The following PRIMA1 variants were observed in gnomAD, a reference collection of about 807,000 sequenced individuals.
The protein encoded by PRIMA1 is proline-rich membrane anchor 1.
A neutral mutation model predicts 17.5 loss-of-function variants in PRIMA1; 7 were observed. The ratio of observed to expected loss-of-function variants is 0.40; its 90% CI spans 0.23 to 0.75. The LOEUF (loss-of-function observed/expected upper bound fraction) is 0.75, where lower values mean the gene tolerates loss of function less well. Among genes scored for constraint, PRIMA1 ranks in the 30% least tolerant of loss-of-function variants. PRIMA1 has a pLI of 0.37. For synonymous variants in PRIMA1, 97 were observed against 77.9 expected (o/e 1.25, Z -1.29); for missense variants, 200 against 201.8 (o/e 0.99, Z 0.05).
At chr14:93,764,575 T>C (rs1405833102) in intron 3 of PRIMA1, among the ~76,000 whole-genome samples, 1 of 152,210 alleles carries the variant, frequency 6.6e-6, no homozygotes, top group African/African-American at 2.4e-5. Context: ...ATGTAGTGCT[T>C]GGCACACTCG....
chr14:93,739,116 G>A (rs954595581), intron 3 of PRIMA1, among the ~76,000 whole-genome samples: 8 of 151,458 alleles, frequency 5.3e-5, no homozygotes, highest in South Asian at 2.1e-4. Context: ...GCAGTGGCAC[G>A]ATCTCAGCTC....
chr14:93,734,324 G>T (rs2076134733), intron 4 of PRIMA1, among the ~76,000 whole-genome samples: 1 of 152,186 alleles, frequency 6.6e-6, no homozygotes, highest in African/African-American at 2.4e-5. Flanking sequence ...CCTGCTTCTT[G>T]GGTTTGGCCA....
At chr14:93,757,286 G>A (rs1196044639) in intron 3 of PRIMA1, among the ~76,000 whole-genome samples, 3 of 152,092 alleles carry the variant, frequency 2.0e-5, no homozygotes, top group Admixed American at 6.5e-5. Flanking sequence ...TGACACGGCC[G>A]CACTTGAGAA....
At chr14:93,737,107 G>A in intron 4 of PRIMA1, 134 bp downstream of exon 4, 1 of 801,524 alleles carries the variant, frequency 1.2e-6, no homozygotes, top group Non-Finnish European at 1.9e-6. Flanking sequence ...GAAGGTCACT[G>A]TATATTCTTT....
At chr14:93,759,389 C>G (rs2076312001) in intron 3 of PRIMA1, among the ~76,000 whole-genome samples, 1 of 152,086 alleles carries the variant, frequency 6.6e-6, no homozygotes, top group African/African-American at 2.4e-5. Flanking sequence ...GTTTCTACCC[C>G]TGACTGAAAA....
intron 3 of PRIMA1, among the ~76,000 whole-genome samples, chr14:93,754,270 C>T (rs1304293847): frequency 6.6e-6 from 1 of 152,218 alleles, no homozygotes; most frequent in East Asian, 1.9e-4. Flanking sequence ...GAGCTCTTCA[C>T]AATCCCAATT....
At position 93,719,779 on chromosome 14, in the gene PRIMA1, A is replaced by C. The variant is rs937101727; in HGVS notation, c.*1665T>G. 6.6e-6 allele frequency: 1 copy of C among 152,524 alleles called. No homozygotes were observed. The highest frequency in any genetic ancestry group is 1.5e-5 in the Non-Finnish European group (1 of 68,328). 9.4% of individuals were successfully genotyped at this position (152,524 alleles called of 1,614,324 possible). ...ATGCCCAGGTGTCCAGGGGAAGCAA[A>C]ATTCAAATCTAAACCCCAAACAAGT... On this transcript the variant is annotated 3_prime_UTR_variant, in exon 5 of 5. Transcript: ENST00000393140.
At chr14:93,742,918 C>G (rs1039648334) in intron 3 of PRIMA1, among the ~76,000 whole-genome samples, 1 of 152,168 alleles carries the variant, frequency 6.6e-6, no homozygotes, top group African/African-American at 2.4e-5. Context: ...ATGTATGACC[C>G]GGGCAAACAG....
intron 2 of PRIMA1, among the ~76,000 whole-genome samples, chr14:93,785,160 T>C (rs1046401966): frequency 2.1e-4 from 29 of 140,122 alleles, no homozygotes; most frequent in Admixed American, 2.3e-4. Flanking sequence ...ACCTAATAAA[T>C]TTGCCAGCCT....
intron 4 of PRIMA1, among the ~76,000 whole-genome samples, chr14:93,725,221 C>G (rs1165992239): frequency 6.6e-6 from 1 of 150,746 alleles, no homozygotes. Context: ...GGGCTCGGCA[C>G]CTGTGGCAGG....
rs1295369403 is a variant in PRIMA1, at chr14:93,720,083, G to A, written c.*1361C>T. 1 of 152,318 alleles carries A rather than the reference G, an allele frequency of 6.6e-6. No individual in the cohort carries two copies. Among genetic ancestry groups the A allele is most frequent in the Non-Finnish European group, 1.5e-5 (1 of 68,088 alleles). The allele number at this position is 152,318 out of a possible 1,614,324, so 9.4% of individuals were successfully genotyped here. ...GGTTTAGGAGGCAAACCAGGTCTTA[G>A]AGGGCTCGACAGTGGAACCATTCAA... On this transcript the variant is annotated 3_prime_UTR_variant, in exon 5 of 5. Coordinates refer to ENST00000393140, the MANE Select transcript of PRIMA1 (RefSeq NM_178013.4).
chr14:93,785,918 A>ACC (rs1885512621), intron 2 of PRIMA1, among the ~76,000 whole-genome samples: 1 of 149,738 alleles, frequency 6.7e-6, no homozygotes, highest in South Asian at 2.1e-4. Flanking sequence ...ACACACACAC[A>ACC]CCCCTGCTTG....
In PRIMA1 at chr14:93,720,834, G is replaced by A. The variant is rs1483997157; in HGVS notation, c.*610C>T. On this transcript the variant is annotated 3_prime_UTR_variant, in exon 5 of 5. Coordinates refer to ENST00000393140, the MANE Select transcript of PRIMA1 (RefSeq NM_178013.4). ...CACAGCCCTCCATGGCAGGCAGTCAGGAGCCTAGGGTGTAGGGTGTCAGTG... is the reference window on the plus strand; with the variant it reads ...CACAGCCCTCCATGGCAGGCAGTCAAGAGCCTAGGGTGTAGGGTGTCAGTG... 1 of 152,466 alleles carries A rather than the reference G, an allele frequency of 6.6e-6. No homozygotes were observed. Among genetic ancestry groups the A allele is most frequent in the African/African-American group, 2.4e-5 (1 of 41,458 alleles). The allele number at this position is 152,466 out of a possible 1,614,324, so 9.4% of individuals were successfully genotyped here. A position where few individuals can be genotyped will look rare whatever the true frequency, so the allele number is the denominator to read the frequency against.
intron 4 of PRIMA1, among the ~76,000 whole-genome samples, chr14:93,732,370 C>T (rs978228121): frequency 6.6e-6 from 1 of 152,190 alleles, no homozygotes; most frequent in African/African-American, 2.4e-5. Context: ...ACCTGGGCAG[C>T]GGGTGCCTTG....
At chr14:93,733,184 C>T (rs906691390) in intron 4 of PRIMA1, among the ~76,000 whole-genome samples, 15 of 152,228 alleles carry the variant, frequency 9.9e-5, no homozygotes, top group African/African-American at 3.6e-4. Flanking sequence ...CCTCCCCGCC[C>T]AGTCCCCTGG....
At chr14:93,779,394 C>A in intron 2 of PRIMA1, 83 bp from the exon 3 acceptor site, 1 of 1,215,742 alleles carries the variant, frequency 8.2e-7, no homozygotes, top group Admixed American at 2.8e-5. Flanking sequence ...GCCACCCCGT[C>A]CCCTGCCAGG....
intron 4 of PRIMA1, among the ~76,000 whole-genome samples, chr14:93,728,245 T>C (rs1194915617): frequency 2.6e-5 from 4 of 152,270 alleles, no homozygotes; most frequent in Admixed American, 2.6e-4. Context: ...GGCACCAGGT[T>C]GGTAGTCATC....
intron 3 of PRIMA1, among the ~76,000 whole-genome samples, chr14:93,744,971 G>A (rs1489452039): frequency 6.6e-6 from 1 of 152,124 alleles, no homozygotes; most frequent in Non-Finnish European, 1.5e-5. Flanking sequence ...GCAGCTTGTG[G>A]GCACTGTAGC....
chr14:93,784,405 C>G (rs1368920392), intron 2 of PRIMA1, among the ~76,000 whole-genome samples: 4 of 152,114 alleles, frequency 2.6e-5, no homozygotes, highest in African/African-American at 9.7e-5. Flanking sequence ...TGGGCTCAAG[C>G]AATCCTCCTG....
Sources: allele counts gnomAD v4.1 joint callset (sites outside exome capture counted in the v4.1 genomes callset), GRCh38; gene constraint gnomAD v4.1.1; transcripts MANE v1.5; gene names NCBI Gene and HGNC (gene_info 2026-07-23, HGNC 2026-07-21).